The following ICA1 variants were observed in gnomAD, a reference collection of about 807,000 sequenced individuals.
ICA1 encodes islet cell autoantigen 1, also known as 69 kDa islet cell autoantigen.
A neutral mutation model predicts 71.0 loss-of-function variants in ICA1; 40 were observed. The ratio of observed to expected loss-of-function variants is 0.56; its 90% CI spans 0.44 to 0.73. The LOEUF (loss-of-function observed/expected upper bound fraction) is 0.73. ICA1 is among the 30% of genes least tolerant of loss of function. The pLI, the probability that ICA1 is intolerant of heterozygous loss-of-function variation, is 0.00. For missense variants in ICA1, 578 were observed against 576.5 expected (o/e 1.00, Z -0.03); for synonymous variants, 207 against 209.5 (o/e 0.99, Z 0.10).
intron 13 of ICA1, among the ~76,000 whole-genome samples, chr7:8,118,558 C>A (rs144785842): frequency 1.2e-3 from 185 of 152,184 alleles, no homozygotes; most frequent in African/African-American, 4.3e-3. Flanking sequence ...AATAACATAA[C>A]CTCCCTGGTT....
Position 8,114,021 on chromosome 7 carries a change from G to T in ICA1, c.1354C>A (p.Leu452Met). The T allele has an allele frequency of 6.2e-7, 1 of 1,614,126 alleles. No homozygotes were observed. Among genetic ancestry groups the T allele is most frequent in the Non-Finnish European group, 8.5e-7 (1 of 1,179,998 alleles). The change falls in exon 14 of 14, where the codon CTG becomes ATG. Residue 452 changes from leucine (L) to methionine (M), a missense_variant. Coordinates refer to ENST00000402384, the MANE Select transcript of ICA1 (RefSeq NM_001136020.3). Reference sequence around the variant, plus strand: ...GCGAAGAGGCTGAACCAGGCAGTCAGGTCTGAGGCAGCCTTAGCAGGTTCT... The same window carrying T: ...GCGAAGAGGCTGAACCAGGCAGTCATGTCTGAGGCAGCCTTAGCAGGTTCT... ...LQEPAKAASD[L>M]TAWFSLFADL...
intron 3 of ICA1, among the ~76,000 whole-genome samples, chr7:8,230,558 G>A (rs1458404400): frequency 1.3e-5 from 2 of 152,190 alleles, no homozygotes; most frequent in Non-Finnish European, 2.9e-5. Context: ...ACCTAGGACA[G>A]CAGCTATTTT....
rs149489424 is a variant in ICA1, at chr7:8,133,000, T to C, written c.1061-4858A>G. Among the ~76,000 whole-genome samples the C allele has an allele frequency of 6.6e-6, 1 of 152,228 alleles. No individual in the cohort carries two copies. The highest frequency in any genetic ancestry group is 1.9e-4 in the East Asian group (1 of 5,194). Reference sequence around the variant, plus strand: ...ACTCATGCTGATATTTAAACCCTAGTGCGGCAGCTTGAGAGGTGCGGCCTT... The same window carrying C: ...ACTCATGCTGATATTTAAACCCTAGCGCGGCAGCTTGAGAGGTGCGGCCTT... On this transcript the variant is annotated intron_variant, in intron 12 of 13. Coordinates refer to ENST00000402384, the MANE Select transcript of ICA1 (RefSeq NM_001136020.3). This position sits in a 1 kb window ranked among gnomAD's most constrained non-coding sequence, Gnocchi z 4.5.
chr7:8,207,212 G>A (rs1207660343), intron 6 of ICA1, among the ~76,000 whole-genome samples: 1 of 152,178 alleles, frequency 6.6e-6, no homozygotes, highest in Non-Finnish European at 1.5e-5. Context: ...ATAGATGGGT[G>A]GTTGGATAGA....
In ICA1 at chr7:8,229,206, T is replaced by C. The variant is rs549751912; in HGVS notation, c.184-533A>G. 3.3e-5 allele frequency among the ~76,000 whole-genome samples: 5 copies of C among 152,304 alleles called. No individual in the cohort carries two copies. In the South Asian group the frequency reaches 1.0e-3, roughly 32 times the overall value. The stretch of plus-strand genomic sequence containing the variant: ...GGATGTCCTGTCTATTTAGAAAACA[T>C]CTGATAAAATGATGTTGGGCAAGCA... On this transcript the variant is annotated intron_variant, in intron 3 of 13. Coordinates refer to ENST00000402384, the MANE Select transcript of ICA1 (RefSeq NM_001136020.3).
chr7:8,246,780 T>C (rs955675461), intron 1 of ICA1, among the ~76,000 whole-genome samples: 6 of 152,234 alleles, frequency 3.9e-5, no homozygotes, highest in Admixed American at 1.3e-4. Context: ...GGAGTCTCGC[T>C]CTGTCACCCA....
At chr7:8,163,237 G>A (rs1429343075) in intron 6 of ICA1, among the ~76,000 whole-genome samples, 1 of 152,194 alleles carries the variant, frequency 6.6e-6, no homozygotes, top group Non-Finnish European at 1.5e-5. Flanking sequence ...ATTGAACAAC[G>A]CATGGTGAAG....
rs1436955163 is a variant in ICA1, at chr7:8,236,000, T to C, written c.-74A>G. ...AAAAGCATGAGAGGATAAGTTATAT[T>C]ATAACCTGAAATAAAACAAATATGT... On this transcript the variant is annotated 5_prime_UTR_variant, in exon 2 of 14. It adds an upstream start codon to the 5' untranslated region. Transcript: ENST00000402384. The C allele has an allele frequency of 6.9e-7, 1 of 1,450,956 alleles. No individual in the cohort carries two copies. Among genetic ancestry groups the C allele is most frequent in the African/African-American group, 1.4e-5 (1 of 70,882 alleles). 89.9% of individuals were successfully genotyped at this position (1,450,956 alleles called of 1,614,324 possible).
chr7:8,174,864 T>C (rs1187868985), intron 6 of ICA1, among the ~76,000 whole-genome samples: 1 of 151,692 alleles, frequency 6.6e-6, no homozygotes, highest in Non-Finnish European at 1.5e-5. Context: ...CATTCTACCA[T>C]TGCGCTGAAG....
chr7:8,244,417 T>G lies in ICA1; in HGVS notation c.-79-8412A>C, dbSNP rs552260534. ...TATACAAAAATTAATTCAAGATGGA[T>G]TAAAGACTTAAATGTTAGACCTACA... is the stretch of plus-strand genomic sequence containing the variant. On this transcript the variant is annotated intron_variant, in intron 1 of 13. Coordinates refer to ENST00000402384, the MANE Select transcript of ICA1 (RefSeq NM_001136020.3). Among the ~76,000 whole-genome samples the G allele has an allele frequency of 2.6e-5, 4 of 152,294 alleles. No individual in the cohort carries two copies. The East Asian group carries it at 7.7e-4, about 29-fold the overall frequency.
chr7:8,153,986 C>A (rs998336123), intron 8 of ICA1, among the ~76,000 whole-genome samples: 4 of 151,470 alleles, frequency 2.6e-5, no homozygotes, highest in African/African-American at 9.7e-5. Flanking sequence ...TTATAATTAT[C>A]AGATTAAAAT....
intron 8 of ICA1, among the ~76,000 whole-genome samples, chr7:8,151,293 C>A (rs544923561): frequency 6.6e-6 from 1 of 152,326 alleles, no homozygotes; most frequent in East Asian, 1.9e-4. Context: ...CTTGAGCTAC[C>A]AGCTGCCTGG....
chr7:8,169,142 T>G (rs1006209150), intron 6 of ICA1, among the ~76,000 whole-genome samples: 3 of 152,172 alleles, frequency 2.0e-5, no homozygotes, highest in Non-Finnish European at 4.4e-5. Flanking sequence ...GTGGCTGGAT[T>G]CTTTCACTCA....
intron 1 of ICA1, among the ~76,000 whole-genome samples, chr7:8,243,410 C>T (rs1379806258): frequency 4.6e-5 from 7 of 152,110 alleles, no homozygotes; most frequent in East Asian, 1.9e-4. Flanking sequence ...ATTGATGGAA[C>T]GTATCTCAAA....
chr7:8,219,222 A>G (rs999887645), intron 5 of ICA1, among the ~76,000 whole-genome samples: 1 of 152,244 alleles, frequency 6.6e-6, no homozygotes, highest in African/African-American at 2.4e-5. Flanking sequence ...TTTGGATAAA[A>G]TACTTATCTT....
chr7:8,198,470 C>T (rs1443731307), intron 6 of ICA1, among the ~76,000 whole-genome samples: 2 of 152,170 alleles, frequency 1.3e-5, no homozygotes, highest in African/African-American at 4.8e-5. Flanking sequence ...GAACTCAATC[C>T]TGTGGCCTTG....
At chr7:8,160,487 C>T (rs1803347231) in intron 6 of ICA1, among the ~76,000 whole-genome samples, 1 of 152,146 alleles carries the variant, frequency 6.6e-6, no homozygotes, top group African/African-American at 2.4e-5. Context: ...ATTCTGCCTC[C>T]CGAGCAACTT....
At chr7:8,208,779 C>A (rs1020426122) in intron 6 of ICA1, among the ~76,000 whole-genome samples, 5 of 152,192 alleles carry the variant, frequency 3.3e-5, no homozygotes, top group Admixed American at 6.5e-5. Context: ...GCCAGCGGAA[C>A]AGTCAGTGTT....
At chr7:8,187,645 AT>A (rs1427009614) in intron 6 of ICA1, among the ~76,000 whole-genome samples, 1 of 152,212 alleles carries the variant, frequency 6.6e-6, no homozygotes, top group African/African-American at 2.4e-5. Context: ...ACATTTTTAA[AT>A]TTTTTGACTC....
Sources: allele counts gnomAD v4.1 joint callset (sites outside exome capture counted in the v4.1 genomes callset), GRCh38; gene constraint gnomAD v4.1.1; non-coding constraint Gnocchi (gnomAD v3.1); transcripts MANE v1.5; gene names NCBI Gene and HGNC (gene_info 2026-07-23, HGNC 2026-07-21).